The following ME1 variants were observed in gnomAD, a reference collection of about 807,000 sequenced individuals.
ME1 encodes the protein malic enzyme 1, also known as NADP-dependent malic enzyme.
In ME1, 74 loss-of-function variants were observed where a neutral mutation model predicts 66.4. The ratio of observed to expected loss-of-function variants is 1.11; its 90% CI spans 0.92 to 1.35. ME1 has a LOEUF of 1.35. ME1 is among the 40% of genes most tolerant of loss of function. The probability of loss-of-function intolerance (pLI) is 0.00; values close to 1 mark genes in which losing one functional copy is unlikely to be tolerated. For missense variants in ME1, 750 were observed against 694.1 expected (o/e 1.08, Z -0.90); for synonymous variants, 251 against 235.6 (o/e 1.07, Z -0.60).
chr6:83,328,895 T>C (rs1282933247), intron 5 of ME1, among the ~76,000 whole-genome samples: 1 of 152,022 alleles, frequency 6.6e-6, no homozygotes, highest in Non-Finnish European at 1.5e-5. Flanking sequence ...ATAAGACATA[T>C]GGAAATATAA....
chr6:83,260,195 A>G (rs1766858540), intron 6 of ME1, among the ~76,000 whole-genome samples: 1 of 151,866 alleles, frequency 6.6e-6, no homozygotes, highest in Non-Finnish European at 1.5e-5. Flanking sequence ...AAAGAATCAC[A>G]AGCAAAATAG....
chr6:83,377,982 A>G (rs2128548132), intron 3 of ME1, among the ~76,000 whole-genome samples: 1 of 152,318 alleles, frequency 6.6e-6, no homozygotes, highest in African/African-American at 2.4e-5. Flanking sequence ...ACAGAGATCC[A>G]GAAGACAGGC....
rs139699980 is a variant in ME1, at chr6:83,392,941, C to A, written c.362+5426G>T. Reference sequence around the variant, plus strand: ...TTTGGTACCGTGGAAGGACTCATGACCATCGCTGCCACCCAGAAGACTATG... The same window carrying A: ...TTTGGTACCGTGGAAGGACTCATGAACATCGCTGCCACCCAGAAGACTATG... On this transcript the variant is annotated intron_variant, in intron 3 of 13. Coordinates refer to ENST00000369705, the MANE Select transcript of ME1 (RefSeq NM_002395.6). The A allele has an allele frequency of 2.5e-3, 2,055 of 823,358 alleles. 26 individuals are homozygous for A. The African/African-American group carries it at 0.03, about 12-fold the overall frequency. 51.0% of individuals were successfully genotyped at this position (823,358 alleles called of 1,614,324 possible). A position where few individuals can be genotyped will look rare whatever the true frequency, so the allele number is the denominator to read the frequency against.
intron 6 of ME1, among the ~76,000 whole-genome samples, chr6:83,286,124 G>A (rs1408624575): frequency 6.6e-6 from 1 of 152,116 alleles, no homozygotes; most frequent in Non-Finnish European, 1.5e-5. Flanking sequence ...TAAAAGTATG[G>A]GCTCTGGAGC....
chr6:83,276,617 A>T (rs1767187017), intron 6 of ME1, among the ~76,000 whole-genome samples: 1 of 152,228 alleles, frequency 6.6e-6, no homozygotes, highest in Non-Finnish European at 1.5e-5. Context: ...AAGTGTTCAA[A>T]CTACTCTTGA....
intron 7 of ME1, among the ~76,000 whole-genome samples, chr6:83,247,257 G>A (rs1477152792): frequency 2.6e-5 from 4 of 151,944 alleles, no homozygotes; most frequent in Non-Finnish European, 1.5e-5. Flanking sequence ...ATGACTAGAG[G>A]TTGAAACCTT....
chr6:83,275,764 C>CTTTT lies in ME1; in HGVS notation c.705-22030_705-22027dup, dbSNP rs869196328. ...ACCGGTGTGAGCCACGGCGCCCGGC[C>CTTTT]TTTTTTTTTTTTTTTTTTTTTTTTT... On this transcript the variant is annotated intron_variant, in intron 6 of 13. Coordinates refer to ENST00000369705, the MANE Select transcript of ME1 (RefSeq NM_002395.6). 1.5e-3 allele frequency among the ~76,000 whole-genome samples: 56 copies of CTTTT among 38,052 alleles called. 7 individuals are homozygous for CTTTT. Among genetic ancestry groups the CTTTT allele is most frequent in the East Asian group, 4.3e-3 (5 of 1,174 alleles). 25.0% of individuals were successfully genotyped at this position (38,052 alleles called of 152,430 possible).
At chr6:83,276,780 T>A (rs895367277) in intron 6 of ME1, among the ~76,000 whole-genome samples, 22 of 152,162 alleles carry the variant, frequency 1.4e-4, no homozygotes, top group Non-Finnish European at 2.9e-4. Flanking sequence ...ACAAAAAAAA[T>A]TTTAAAGGTC....
At chr6:83,429,921 G>A (rs986691030) in intron 1 of ME1, among the ~76,000 whole-genome samples, 8 of 152,040 alleles carry the variant, frequency 5.3e-5, no homozygotes, top group East Asian at 3.9e-4. Context: ...TGTCCAAAGC[G>A]CACGCACACA....
At chr6:83,220,075 C>T (rs964234911) in intron 12 of ME1, among the ~76,000 whole-genome samples, 1 of 152,150 alleles carries the variant, frequency 6.6e-6, no homozygotes, top group South Asian at 2.1e-4. Context: ...TGTATTCCAC[C>T]TATAAACACC....
At chr6:83,257,784 G>A (rs952361407) in intron 6 of ME1, among the ~76,000 whole-genome samples, 1 of 152,110 alleles carries the variant, frequency 6.6e-6, no homozygotes, top group African/African-American at 2.4e-5. Context: ...ATAATCATGA[G>A]GTGCTTGTAA....
intron 6 of ME1, among the ~76,000 whole-genome samples, chr6:83,310,675 A>G (rs1001315132): frequency 3.3e-5 from 5 of 152,126 alleles, no homozygotes; most frequent in African/African-American, 1.2e-4. Context: ...GGAAGGGAAC[A>G]TCTTAGCTAG....
chr6:83,237,304 AAG>A (rs1413610295), intron 9 of ME1, among the ~76,000 whole-genome samples: 3 of 60,880 alleles, frequency 4.9e-5, no homozygotes, highest in Non-Finnish European at 1.1e-4. Flanking sequence ...AAGAAAGAAA[AAG>A]AAAGAAAGAA....
intron 4 of ME1, among the ~76,000 whole-genome samples, chr6:83,347,477 T>C (rs1768710844): frequency 6.6e-6 from 1 of 152,174 alleles, no homozygotes; most frequent in African/African-American, 2.4e-5. Context: ...ATGTCAGTTA[T>C]TTGGCCTTGG....
chr6:83,425,317 C>T (rs1295269603), intron 1 of ME1, among the ~76,000 whole-genome samples: 1 of 152,080 alleles, frequency 6.6e-6, no homozygotes, highest in African/African-American at 2.4e-5. Flanking sequence ...AACATAATTA[C>T]TAACATTGGT....
intron 6 of ME1, among the ~76,000 whole-genome samples, chr6:83,277,498 G>A (rs925541160): frequency 3.9e-5 from 6 of 152,180 alleles, no homozygotes; most frequent in Admixed American, 1.3e-4. Flanking sequence ...CAGGATTATG[G>A]CAGAATAGTT....
At chr6:83,298,802 G>C (rs1172075032) in intron 6 of ME1, among the ~76,000 whole-genome samples, 4 of 151,762 alleles carry the variant, frequency 2.6e-5, no homozygotes, top group Non-Finnish European at 1.5e-5. Flanking sequence ...AGTTTTCCCA[G>C]AACTATTTAT....
In ME1 at chr6:83,314,808, A is replaced by T. The variant is rs139810230; in HGVS notation, c.704+502T>A. 1.6e-3 allele frequency among the ~76,000 whole-genome samples: 251 copies of T among 152,296 alleles called. 1 individual carries two copies. The highest frequency in any genetic ancestry group is 3.4e-3 in the Middle Eastern group (1 of 294). On this transcript the variant is annotated intron_variant, in intron 6 of 13. Coordinates refer to ENST00000369705, the MANE Select transcript of ME1 (RefSeq NM_002395.6). ...ATCAGAGATGCATGGATCATGATGG[A>T]ATGCCCTGTCCTTGCTCCATTCTGG...
chr6:83,319,706 G>A (rs891249216), intron 5 of ME1, among the ~76,000 whole-genome samples: 7 of 152,114 alleles, frequency 4.6e-5, no homozygotes, highest in African/African-American at 1.7e-4. Context: ...AAAGAACAAT[G>A]AACTACAGAA....
Sources: allele counts gnomAD v4.1 joint callset (sites outside exome capture counted in the v4.1 genomes callset), GRCh38; gene constraint gnomAD v4.1.1; transcripts MANE v1.5; gene names NCBI Gene and HGNC (gene_info 2026-07-23, HGNC 2026-07-21).